Variants in C2CD3 observed in about 807,000 individuals in gnomAD.
C2CD3 encodes C2 domain containing 3 centriole elongation regulator.
C2CD3 carries 148 observed loss-of-function variants against 234.0 expected under a neutral mutation model. The observed-to-expected ratio is 0.63, with a 90% CI of 0.55 to 0.72. The LOEUF (loss-of-function observed/expected upper bound fraction) is 0.72. Ranked by LOEUF, C2CD3 falls within the 30% of genes least tolerant of loss-of-function variation. C2CD3 has a pLI of 0.00. For synonymous variants in C2CD3, 1,000 were observed against 1,035.4 expected, an observed-to-expected ratio of 0.97 and a Z score of 0.66; for missense variants, 2,577 against 2,811.5, an observed-to-expected ratio of 0.92 and a Z score of 1.89.
rs140661396 is a variant in C2CD3 at position 74,080,194 on chromosome 11, T to C, written c.4001-1477A>G. Among the ~76,000 whole-genome samples the C allele has an allele frequency of 6.1e-4, 93 of 152,346 alleles. 1 individual carries two copies. In the East Asian group the frequency reaches 0.017, roughly 28 times the overall value. On this transcript the variant is annotated intron_variant, in intron 22 of 32. Coordinates refer to ENST00000334126, the MANE Select transcript of C2CD3 (RefSeq NM_001286577.2). ...AGCAATTTTCTGCGAAATGTTTTAC[T>C]AAGTATATTTTACAAATGAGATTTA...
At chr11:74,057,024 C>T (rs1953987258) in intron 25 of C2CD3, among the ~76,000 whole-genome samples, 1 of 152,042 alleles carries the variant, frequency 6.6e-6, no homozygotes, top group Non-Finnish European at 1.5e-5. Flanking sequence ...TCCCCTCCCC[C>T]AGTAGCTGGG....
At chr11:74,036,600 G>A (rs1274573346) in intron 30 of C2CD3, 6 of 433,276 alleles carry the variant, frequency 1.4e-5, no homozygotes, top group African/African-American at 8.2e-5. Flanking sequence ...TACACATTTC[G>A]CTCAAGCAAA....
At chr11:74,144,914 A>G (rs933246591) in intron 3 of C2CD3, among the ~76,000 whole-genome samples, 7 of 152,194 alleles carry the variant, frequency 4.6e-5, no homozygotes, top group Non-Finnish European at 7.3e-5. Flanking sequence ...TGAACATAAC[A>G]TGTGCATATG....
chr11:74,033,634 G>C lies in C2CD3; in HGVS notation c.6526C>G (p.Pro2176Ala), dbSNP rs907375143. Residue 2176 changes from proline to alanine, a missense_variant, in exon 31 of 33, where the codon CCA becomes GCA. Transcript: ENST00000334126. Reference protein sequence around the residue: ...ESASANPQPIPCPTLSGAQQS... With the variant: ...ESASANPQPIACPTLSGAQQS... ...TGAGCTCCTGAGAGTGTTGGGCATGGGATGGGCTGAGGGTTGGCTGAGGCA... is the reference window on the plus strand; with the variant it reads ...TGAGCTCCTGAGAGTGTTGGGCATGCGATGGGCTGAGGGTTGGCTGAGGCA... 2.8e-5 allele frequency: 43 copies of C among 1,536,074 alleles called. No individual in the cohort carries two copies. The highest frequency in any genetic ancestry group is 1.7e-4 in the Middle Eastern group (1 of 6,012).
chr11:74,098,026 C>T lies in C2CD3; in HGVS notation c.2962G>A (p.Ala988Thr). 6.2e-7 allele frequency: 1 copy of T among 1,614,030 alleles called. No individual in the cohort carries two copies. The highest frequency in any genetic ancestry group is 1.3e-5 in the African/African-American group (1 of 75,032). ...TTTATTACCATAGCAACAGATGCTG[C>T]AGTTGGCTGGTCCAGGAAATGGGCT... ...RPAHFLDQPTAASVAMAEDRG... is the reference protein window; with the variant it reads ...RPAHFLDQPTTASVAMAEDRG... The change falls in exon 16 of 33, where the codon GCA (alanine) becomes ACA (threonine). Residue 988 changes from alanine to threonine, a missense_variant. Ala to Thr is a moderately conservative substitution (Grantham distance 58). Coordinates refer to ENST00000334126, the MANE Select transcript of C2CD3 (RefSeq NM_001286577.2).
intron 28 of C2CD3, 79 bp downstream of exon 28, chr11:74,048,126 G>T: frequency 2.1e-6 from 3 of 1,451,214 alleles, no homozygotes; most frequent in Non-Finnish European, 2.8e-6. Context: ...TCTAATAAAG[G>T]AAAGAGAGAA....
rs554007350 is a variant in C2CD3 at position 74,114,033 on chromosome 11, CA to C, written c.1731-142del. On this transcript the variant is annotated intron_variant, in intron 10 of 32. Coordinates refer to ENST00000334126, the MANE Select transcript of C2CD3 (RefSeq NM_001286577.2). ...CTACCTCTTCTTCAAAGCCTTCCAC[CA>C]ACCCTGTCTGAGAGAATCAAAGGCT... 178 of 602,990 alleles carry C rather than the reference CA, an allele frequency of 3.0e-4. 1 individual carries two copies. The South Asian group carries it at 3.7e-3, about 13-fold the overall frequency. The allele number at this position is 602,990 out of a possible 1,614,324, so 37.4% of individuals were successfully genotyped here.
intron 25 of C2CD3, 144 bp downstream of exon 25, chr11:74,057,262 A>C (rs1954000499): frequency 3.8e-6 from 3 of 780,420 alleles, no homozygotes; most frequent in Non-Finnish European, 4.2e-6. Context: ...ATTCATAAAC[A>C]CTAGGATTAA....
chr11:74,106,529 A>G, intron 12 of C2CD3, 36 bp from the exon 13 acceptor site: 2 of 1,601,592 alleles, frequency 1.2e-6, no homozygotes, highest in Non-Finnish European at 1.7e-6. Context: ...TAGATTAATT[A>G]AAGAGAAGCC....
chr11:74,154,152 A>G (rs1855856302), intron 3 of C2CD3, among the ~76,000 whole-genome samples: 1 of 152,126 alleles, frequency 6.6e-6, no homozygotes, highest in South Asian at 2.1e-4. Flanking sequence ...GCAAACTTGG[A>G]TTAGGGGAAG....
intron 8 of C2CD3, among the ~76,000 whole-genome samples, chr11:74,121,687 TA>T (rs1957223336): frequency 6.8e-6 from 1 of 147,322 alleles, no homozygotes. Flanking sequence ...GTTTCAGCCA[TA>T]AAAACACAAA....
chr11:74,155,580 T>C (rs1855956784), intron 3 of C2CD3, among the ~76,000 whole-genome samples: 2 of 152,172 alleles, frequency 1.3e-5, no homozygotes, highest in Non-Finnish European at 2.9e-5. Flanking sequence ...GCACTTCTGA[T>C]ACATGCTATA....
chr11:74,106,807 G>T (rs974219878), intron 12 of C2CD3, among the ~76,000 whole-genome samples: 2 of 152,082 alleles, frequency 1.3e-5, no homozygotes, highest in African/African-American at 4.8e-5. Context: ...ATAAAATTTA[G>T]ATGTCACAAA....
chr11:74,080,638 A>T (rs1955306415), intron 22 of C2CD3, among the ~76,000 whole-genome samples: 1 of 152,230 alleles, frequency 6.6e-6, no homozygotes. Context: ...TAGAACAAAG[A>T]GAAATGATAT....
chr11:74,076,050 T>C (rs1485795569), intron 23 of C2CD3, among the ~76,000 whole-genome samples: 3 of 152,224 alleles, frequency 2.0e-5, no homozygotes, highest in Non-Finnish European at 4.4e-5. Context: ...ATATTCAGTG[T>C]CCTAAACCTA....
At chr11:74,093,736 A>G (rs1955988236) in intron 18 of C2CD3, 80 bp downstream of exon 18, 5 of 1,126,144 alleles carry the variant, frequency 4.4e-6, no homozygotes, top group South Asian at 1.6e-5. Flanking sequence ...CAATAATTCA[A>G]CCTAGGCTGG....
At chr11:74,035,406 T>C (rs550120833) in intron 30 of C2CD3, among the ~76,000 whole-genome samples, 10 of 152,368 alleles carry the variant, frequency 6.6e-5, no homozygotes, top group Admixed American at 4.6e-4. Context: ...CCAGGAGGCC[T>C]TCCCAGATTC....
At chr11:74,151,175 C>T (rs546441242) in intron 3 of C2CD3, among the ~76,000 whole-genome samples, 19 of 152,150 alleles carry the variant, frequency 1.2e-4, no homozygotes, top group Non-Finnish European at 1.9e-4. Context: ...CCGCCCGCCT[C>T]GGCCTCCCAA....
At chr11:74,071,604 C>T (rs1049184477) in intron 24 of C2CD3, among the ~76,000 whole-genome samples, 8 of 152,146 alleles carry the variant, frequency 5.3e-5, no homozygotes, top group Non-Finnish European at 8.8e-5. Flanking sequence ...TAATCCTGCT[C>T]GTGGCAAGGA....
Sources: gnomAD v4.1 joint callset for allele counts (sites outside exome capture counted in the v4.1 genomes callset) on GRCh38, gnomAD v4.1.1 for gene constraint, MANE v1.5 for transcripts, NCBI Gene and HGNC (gene_info 2026-07-23, HGNC 2026-07-21) for gene names.